Variants in RBFOX3 observed in about 807,000 individuals in gnomAD.
RBFOX3 encodes the protein RNA binding fox-1 homolog 3.
A neutral mutation model predicts 48.7 loss-of-function variants in RBFOX3; 17 were observed. The ratio of observed to expected loss-of-function variants is 0.35; its 90% CI spans 0.24 to 0.52. The LOEUF is 0.52. Ranked by LOEUF, RBFOX3 falls within the 20% of genes least tolerant of loss-of-function variation. The probability of loss-of-function intolerance (pLI) is 0.94; values close to 1 mark genes in which losing one functional copy is unlikely to be tolerated. For synonymous variants in RBFOX3, 212 were observed against 209.5 expected (o/e 1.01, Z -0.10); for missense variants, 382 against 497.5 (o/e 0.77, Z 2.21).
At chr17:79,596,348 T>C (rs1350944860) in intron 1 of RBFOX3, among the ~76,000 whole-genome samples, 1 of 152,220 alleles carries the variant, frequency 6.6e-6, no homozygotes, top group Non-Finnish European at 1.5e-5. Flanking sequence ...AGCGGGGTCC[T>C]TGTTCCTCTG....
rs11330992 is a variant in RBFOX3 at position 79,390,478 on chromosome 17, CTTT to C, written c.-174-82657_-174-82655del. The stretch of plus-strand genomic sequence containing the variant: ...TGGAAATACAGTCTTTGCGCCACTG[CTTT>C]TTTTTTTTTTTTTTAGATGGAGTCT... On this transcript the variant is annotated intron_variant, in intron 2 of 14. Coordinates refer to ENST00000693108, the MANE Select transcript of RBFOX3 (RefSeq NM_001350451.2). This position sits in a 1 kb window ranked among gnomAD's most constrained non-coding sequence, Gnocchi z 4.2. 3.3e-4 allele frequency among the ~76,000 whole-genome samples: 47 copies of C among 141,230 alleles called. No individual in the cohort carries two copies. Among genetic ancestry groups the C allele is most frequent in the Admixed American group, 4.2e-4 (6 of 14,254 alleles). 92.7% of individuals were successfully genotyped at this position (141,230 alleles called of 152,430 possible).
the RBFOX3 span, among the ~76,000 whole-genome samples, chr17:79,649,542 C>G: frequency 1.3e-5 from 2 of 152,140 alleles, no homozygotes; most frequent in Non-Finnish European, 2.9e-5. Flanking sequence ...CCCGTCTCTA[C>G]GAAAAATACA....
At chr17:79,384,678 C>T (rs948435923) in intron 2 of RBFOX3, among the ~76,000 whole-genome samples, 17 of 152,232 alleles carry the variant, frequency 1.1e-4, no homozygotes, top group South Asian at 4.1e-4. Context: ...AGTCCACAGA[C>T]GGCCAGGGGT....
At chr17:79,286,844 G>A (rs2072024074) in intron 3 of RBFOX3, among the ~76,000 whole-genome samples, 1 of 152,230 alleles carries the variant, frequency 6.6e-6, no homozygotes, top group African/African-American at 2.4e-5. Flanking sequence ...GGTGCCTGCT[G>A]AGGACGCCCT....
chr17:79,458,387 C>G (rs9912595), intron 2 of RBFOX3, among the ~76,000 whole-genome samples: 95,358 of 152,030 alleles, frequency 0.63, 30,091 homozygotes, highest in Admixed American at 0.65. Context: ...ACCAGGAAAC[C>G]GAGATGGGGC....
chr17:79,375,144 C>T (rs1568135352), intron 2 of RBFOX3, among the ~76,000 whole-genome samples: 1 of 152,200 alleles, frequency 6.6e-6, no homozygotes, highest in Non-Finnish European at 1.5e-5. Context: ...AGCAGGAACA[C>T]GGTCCTCCTA....
At chr17:79,280,622 G>T (rs960204749) in intron 3 of RBFOX3, among the ~76,000 whole-genome samples, 14 of 152,230 alleles carry the variant, frequency 9.2e-5, no homozygotes, top group African/African-American at 2.7e-4. Flanking sequence ...ATTCAGGAGG[G>T]TGTTCCTTTT....
intron 2 of RBFOX3, among the ~76,000 whole-genome samples, chr17:79,451,536 C>T (rs1555741687): frequency 6.6e-6 from 1 of 152,224 alleles, no homozygotes; most frequent in African/African-American, 2.4e-5. Context: ...GGGGTGAGGC[C>T]TGCCCTTGAA....
the RBFOX3 span, among the ~76,000 whole-genome samples, chr17:79,627,285 C>T: frequency 6.6e-6 from 1 of 152,204 alleles, no homozygotes; most frequent in Non-Finnish European, 1.5e-5. Context: ...GCATCTTCAA[C>T]ATAGCTTCCC....
chr17:79,128,278 A>G (rs2037850676), intron 4 of RBFOX3, among the ~76,000 whole-genome samples: 2 of 152,190 alleles, frequency 1.3e-5, no homozygotes, highest in African/African-American at 4.8e-5. Context: ...AGTGACTCCT[A>G]GAGAGGATCC....
intron 2 of RBFOX3, among the ~76,000 whole-genome samples, chr17:79,413,634 T>TTG (rs2064841507): frequency 6.6e-6 from 1 of 152,154 alleles, no homozygotes; most frequent in Non-Finnish European, 1.5e-5. Flanking sequence ...ACAGGCAGCG[T>TTG]TGCAGCCCCA....
chr17:79,407,095 C>T (rs2063643880), intron 2 of RBFOX3, among the ~76,000 whole-genome samples: 2 of 152,358 alleles, frequency 1.3e-5, no homozygotes, highest in African/African-American at 2.4e-5. Flanking sequence ...GCAACCTCTG[C>T]CTCCTGGGTT....
chr17:79,471,608 A>G lies in RBFOX3; in HGVS notation c.-175+10846T>C, dbSNP rs1447960374. Among the ~76,000 whole-genome samples the G allele has an allele frequency of 2.0e-5, 3 of 152,222 alleles. No individual in the cohort carries two copies. Among genetic ancestry groups the G allele is most frequent in the Admixed American group, 2.0e-4 (3 of 15,294 alleles). ...AGCACGACATAAACAAGGAAGGCGC[A>G]CACACACCTGTCACCTCTCCGTGGA... On this transcript the variant is annotated intron_variant, in intron 2 of 14. Transcript: ENST00000693108. This position sits in a 1 kb window ranked among gnomAD's most constrained non-coding sequence, Gnocchi z 4.0.
At chr17:79,661,645 G>C in the RBFOX3 span, among the ~76,000 whole-genome samples, 4 of 152,222 alleles carry the variant, frequency 2.6e-5, no homozygotes, top group African/African-American at 4.8e-5. Flanking sequence ...TCTGGGGCAG[G>C]TGTATGTTCA....
the RBFOX3 span, among the ~76,000 whole-genome samples, chr17:79,652,485 A>G: frequency 6.9e-6 from 1 of 144,266 alleles, no homozygotes; most frequent in South Asian, 2.4e-4. Flanking sequence ...AGAGTGTGGG[A>G]TAGGTGCAGA....
the RBFOX3 span, among the ~76,000 whole-genome samples, chr17:79,637,418 C>T: frequency 9.9e-4 from 151 of 152,120 alleles, 1 homozygote; most frequent in East Asian, 0.021. Flanking sequence ...AAAATTTTAA[C>T]AAATTCGGCT....
Position 79,523,484 on chromosome 17 carries a change from C to T in RBFOX3, c.-319-40886G>A, listed in dbSNP as rs1226711614. On this transcript the variant is annotated intron_variant, in intron 1 of 14. Coordinates refer to ENST00000693108, the MANE Select transcript of RBFOX3 (RefSeq NM_001350451.2). ...CTTAGACACATCCCTGAAATGTTGA[C>T]GAGGAAGCTTCCGTGACTCTTCTTG... 2.6e-5 allele frequency among the ~76,000 whole-genome samples: 4 copies of T among 152,104 alleles called. No individual in the cohort carries two copies. The East Asian group carries it at 7.7e-4, about 29-fold the overall frequency.
intron 4 of RBFOX3, among the ~76,000 whole-genome samples, chr17:79,197,921 G>A (rs990099400): frequency 6.6e-6 from 1 of 152,106 alleles, no homozygotes; most frequent in Non-Finnish European, 1.5e-5. Flanking sequence ...CACCTCCCCC[G>A]ACTCCGGGCA....
the RBFOX3 span, among the ~76,000 whole-genome samples, chr17:79,618,630 C>T: frequency 6.6e-6 from 1 of 152,280 alleles, no homozygotes; most frequent in African/African-American, 2.4e-5. Flanking sequence ...GCGGAGTGCA[C>T]ATCCGTCTGG....
Sources: gnomAD v4.1 joint callset for allele counts (sites outside exome capture counted in the v4.1 genomes callset) on GRCh38, gnomAD v4.1.1 for gene constraint, Gnocchi (gnomAD v3.1) non-coding constraint, MANE v1.5 for transcripts, NCBI Gene and HGNC (gene_info 2026-07-23, HGNC 2026-07-21) for gene names.